MYO1D: variants seen among roughly 807,000 people sequenced by gnomAD.
The protein encoded by MYO1D is myosin ID, also known as unconventional myosin-Id.
A neutral mutation model predicts 122.0 loss-of-function variants in MYO1D; 83 were observed. The observed-to-expected ratio is 0.68, with a 90% confidence interval of 0.57 to 0.82. MYO1D has a LOEUF of 0.82. Among genes scored for constraint, MYO1D ranks in the 40% least tolerant of loss-of-function variants. The pLI, the probability that MYO1D is intolerant of heterozygous loss-of-function variation, is 0.00. For synonymous variants in MYO1D, 464 were observed against 446.9 expected (o/e 1.04, Z -0.48); for missense variants, 1,157 against 1,269.5 (o/e 0.91, Z 1.35).
intron 14 of MYO1D, 73 bp downstream of exon 14, chr17:32,738,180 A>AC: frequency 7.7e-7 from 1 of 1,303,340 alleles, no homozygotes; most frequent in Non-Finnish European, 1.0e-6. Context: ...AGCAAATCAT[A>AC]CATACATTCT....
intron 6 of MYO1D, among the ~76,000 whole-genome samples, chr17:32,769,877 T>TTTTTAA (rs2090096463): frequency 6.6e-6 from 1 of 152,096 alleles, no homozygotes; most frequent in Non-Finnish European, 1.5e-5. Context: ...AAAAAGGCTA[T>TTTTTAA]TAATTTAATA....
At chr17:32,838,169 A>G (rs2151071660) in intron 1 of MYO1D, among the ~76,000 whole-genome samples, 1 of 152,296 alleles carries the variant, frequency 6.6e-6, no homozygotes, top group South Asian at 2.1e-4. Flanking sequence ...TTAAAATTAA[A>G]AAAATTAACT....
At chr17:32,868,135 G>A (rs1301977816) in intron 1 of MYO1D, among the ~76,000 whole-genome samples, 3 of 152,148 alleles carry the variant, frequency 2.0e-5, no homozygotes, top group Admixed American at 1.3e-4. Context: ...AATGCATAGG[G>A]TGATAGTTAC....
chr17:32,782,362 G>A (rs2090247493), intron 1 of MYO1D, among the ~76,000 whole-genome samples: 1 of 152,090 alleles, frequency 6.6e-6, no homozygotes, highest in South Asian at 2.1e-4. Context: ...CTTTACATCT[G>A]GGTTTGAATG....
At chr17:32,845,176 C>G (rs1044737457) in intron 1 of MYO1D, among the ~76,000 whole-genome samples, 2 of 151,946 alleles carry the variant, frequency 1.3e-5, no homozygotes, top group African/African-American at 4.8e-5. Flanking sequence ...AAAATTAAGA[C>G]CACATACTAT....
chr17:32,587,719 G>A (rs1224798455), intron 21 of MYO1D, among the ~76,000 whole-genome samples: 1 of 152,138 alleles, frequency 6.6e-6, no homozygotes, highest in Non-Finnish European at 1.5e-5. Flanking sequence ...CCACCCTTCA[G>A]CCTACCCCTT....
At chr17:32,838,958 G>A (rs578187925) in intron 1 of MYO1D, among the ~76,000 whole-genome samples, 33 of 152,204 alleles carry the variant, frequency 2.2e-4, no homozygotes, top group African/African-American at 7.9e-4. Flanking sequence ...TACACTAAAT[G>A]CTTAATATAT....
intron 20 of MYO1D, among the ~76,000 whole-genome samples, chr17:32,617,599 C>A (rs1225704095): frequency 1.3e-5 from 2 of 152,122 alleles, no homozygotes; most frequent in Non-Finnish European, 2.9e-5. Flanking sequence ...CGCCACCATG[C>A]CCGGGTAATT....
intron 21 of MYO1D, among the ~76,000 whole-genome samples, chr17:32,527,960 T>C (rs1484440287): frequency 6.6e-6 from 1 of 151,694 alleles, no homozygotes; most frequent in African/African-American, 2.4e-5. Flanking sequence ...TGCCTCAGCC[T>C]CCTGAGTAGC....
chr17:32,585,742 T>TAA lies in MYO1D; in HGVS notation c.2864+19343_2864+19344dup, dbSNP rs5819989. Among the ~76,000 whole-genome samples, 466 of 112,156 alleles carry TAA rather than the reference T, an allele frequency of 4.2e-3. 2 individuals carry two copies. The highest frequency in any genetic ancestry group is 9.1e-3 in the Middle Eastern group (2 of 220). 73.6% of individuals were successfully genotyped at this position (112,156 alleles called of 152,430 possible). ...AACAGAGCAAGAATCCGTCTCAAAA[T>TAA]AAAAAAAAAAAAAAAAAGGAAGGGC... On this transcript the variant is annotated intron_variant, in intron 21 of 21. Coordinates refer to ENST00000318217, the MANE Select transcript of MYO1D (RefSeq NM_015194.3).
chr17:32,644,001 T>A (rs1427300525), intron 19 of MYO1D, among the ~76,000 whole-genome samples: 1 of 152,192 alleles, frequency 6.6e-6, no homozygotes, highest in African/African-American at 2.4e-5. Context: ...CTTTTAATTG[T>A]GATGTTAGGG....
chr17:32,787,261 A>G (rs2090306692), intron 1 of MYO1D, among the ~76,000 whole-genome samples: 1 of 152,144 alleles, frequency 6.6e-6, no homozygotes, highest in Admixed American at 6.5e-5. Flanking sequence ...AATTTTTTGT[A>G]TTATCTCATT....
At chr17:32,624,930 AC>A (rs1284120535) in intron 20 of MYO1D, among the ~76,000 whole-genome samples, 3 of 151,986 alleles carry the variant, frequency 2.0e-5, no homozygotes, top group Non-Finnish European at 4.4e-5. Context: ...AGCTGGGATT[AC>A]AGGCACCTGC....
At chr17:32,794,304 A>G (rs541511803) in intron 1 of MYO1D, 1 of 152,258 alleles carries the variant, frequency 6.6e-6, no homozygotes, top group East Asian at 1.9e-4. Flanking sequence ...TTTGAGCTGC[A>G]CAAATGGTAG....
intron 21 of MYO1D, among the ~76,000 whole-genome samples, chr17:32,505,868 C>T (rs1022432095): frequency 2.6e-5 from 4 of 152,112 alleles, no homozygotes; most frequent in African/African-American, 9.7e-5. Flanking sequence ...GGAAAAAAAC[C>T]GTCCACCTAG....
chr17:32,623,583 T>TA (rs1156921996), intron 20 of MYO1D, among the ~76,000 whole-genome samples: 2 of 152,220 alleles, frequency 1.3e-5, no homozygotes, highest in Non-Finnish European at 2.9e-5. Context: ...CCTCAAACAT[T>TA]AAACCATGGT....
chr17:32,760,065 G>C, intron 10 of MYO1D: 3 of 700,366 alleles, frequency 4.3e-6, no homozygotes, highest in Non-Finnish European at 7.8e-6. Flanking sequence ...CAGGTTTACT[G>C]GTTCTAACTC....
intron 19 of MYO1D, among the ~76,000 whole-genome samples, chr17:32,643,721 G>A (rs2088241576): frequency 6.6e-6 from 1 of 152,128 alleles, no homozygotes; most frequent in South Asian, 2.1e-4. Context: ...GGTGCTTATG[G>A]TATTCTCTGA....
chr17:32,752,932 C>T (rs1598066332), intron 11 of MYO1D, among the ~76,000 whole-genome samples: 1 of 152,018 alleles, frequency 6.6e-6, no homozygotes, highest in African/African-American at 2.4e-5. Context: ...CTAGCAATTC[C>T]ACTACCAGGT....
Sources: allele counts gnomAD v4.1 joint callset (sites outside exome capture counted in the v4.1 genomes callset), GRCh38; gene constraint gnomAD v4.1.1; transcripts MANE v1.5; gene names NCBI Gene and HGNC (gene_info 2026-07-23, HGNC 2026-07-21).